The following AVEN variants were observed in gnomAD, a reference collection of about 807,000 sequenced individuals.
The protein encoded by AVEN is apoptosis and caspase activation inhibitor.
Under a neutral mutation model 38.1 loss-of-function variants are expected in AVEN, and 41 were observed. The ratio of observed to expected loss-of-function variants is 1.08; its 90% CI spans 0.84 to 1.40. The LOEUF (loss-of-function observed/expected upper bound fraction) is 1.40, where lower values mean the gene tolerates loss of function less well. AVEN is among the 40% of genes most tolerant of loss of function. The probability of loss-of-function intolerance (pLI) is 0.00; values close to 1 mark genes in which losing one functional copy is unlikely to be tolerated. For missense variants in AVEN, 605 were observed against 438.8 expected (o/e 1.38, Z -3.38); for synonymous variants, 206 against 171.8 (o/e 1.20, Z -1.56).
intron 2 of AVEN, among the ~76,000 whole-genome samples, chr15:33,978,140 T>C (rs1364617419): frequency 6.6e-6 from 1 of 152,020 alleles, no homozygotes; most frequent in Non-Finnish European, 1.5e-5. Context: ...CCAGAAAACC[T>C]TAGCGATCCA....
chr15:33,878,385 G>A (rs1024125411), intron 2 of AVEN, among the ~76,000 whole-genome samples: 21 of 152,164 alleles, frequency 1.4e-4, no homozygotes, highest in African/African-American at 5.1e-4. Flanking sequence ...TATCGTAAGA[G>A]CGGCAGATGA....
intron 4 of AVEN, chr15:34,064,363 C>A: frequency 1.3e-6 from 2 of 1,543,616 alleles, no homozygotes; most frequent in South Asian, 1.3e-5. Flanking sequence ...AGTCAACATC[C>A]TCTGAGGATG....
At chr15:33,907,440 CA>C (rs1425433886) in intron 2 of AVEN, among the ~76,000 whole-genome samples, 38 of 152,160 alleles carry the variant, frequency 2.5e-4, no homozygotes, top group Admixed American at 2.1e-3. Flanking sequence ...TTGAATGAGA[CA>C]TTGTTTCTAA....
At chr15:33,867,469 C>G (rs1334467279) in intron 5 of AVEN, 26 bp downstream of exon 5, 3 of 1,541,586 alleles carry the variant, frequency 1.9e-6, no homozygotes, top group Non-Finnish European at 2.6e-6. Flanking sequence ...AATCAAGATT[C>G]ACGGGGAATA....
the AVEN span, chr15:33,853,767 C>T: frequency 3.3e-6 from 5 of 1,513,570 alleles, no homozygotes; most frequent in South Asian, 3.9e-5. Context: ...ACAACCGTGT[C>T]TTTGTTCTCT....
At chr15:33,931,130 C>A (rs768915122) in intron 2 of AVEN, among the ~76,000 whole-genome samples, 1 of 151,818 alleles carries the variant, frequency 6.6e-6, no homozygotes, top group Non-Finnish European at 1.5e-5. Flanking sequence ...ACGATGGATA[C>A]GGCACAAACA....
At chr15:33,937,037 A>C (rs1287237354) in intron 2 of AVEN, among the ~76,000 whole-genome samples, 1 of 147,798 alleles carries the variant, frequency 6.8e-6, no homozygotes, top group Non-Finnish European at 1.5e-5. Context: ...AGGCTGAGGC[A>C]GGAGAATGGC....
Sources: allele counts gnomAD v4.1 joint callset (sites outside exome capture counted in the v4.1 genomes callset), GRCh38; gene constraint gnomAD v4.1.1; transcripts MANE v1.5; gene names NCBI Gene and HGNC (gene_info 2026-07-23, HGNC 2026-07-21).